Variants in SDK1 observed in about 807,000 individuals in gnomAD.
SDK1 encodes the protein sidekick cell adhesion molecule 1, also known as protein sidekick-1.
A neutral mutation model predicts 245.5 loss-of-function variants in SDK1; 157 were observed. The observed-to-expected ratio is 0.64, with a 90% CI of 0.56 to 0.73. SDK1 has a LOEUF of 0.73. Ranked by LOEUF, SDK1 falls within the 30% of genes least tolerant of loss-of-function variation. SDK1 has a pLI of 0.00. For missense variants in SDK1, 3,583 were observed against 3,002.3 expected, an observed-to-expected ratio of 1.19 and a Z score of -4.52; for synonymous variants, 1,647 against 1,278.5, an observed-to-expected ratio of 1.29 and a Z score of -6.15.
intron 17 of SDK1, among the ~76,000 whole-genome samples, chr7:4,048,380 G>A (rs139123981): frequency 4.1e-4 from 63 of 152,208 alleles, no homozygotes; most frequent in African/African-American, 1.4e-3. Flanking sequence ...TTTCCGGAAG[G>A]CCTTCAGTTC....
intron 31 of SDK1, among the ~76,000 whole-genome samples, chr7:4,159,850 G>A (rs1781003336): frequency 6.6e-6 from 1 of 152,256 alleles, no homozygotes; most frequent in African/African-American, 2.4e-5. Flanking sequence ...TTACTCATGA[G>A]AGCTCCTACA....
At chr7:3,560,299 C>G (rs1474834949) in intron 1 of SDK1, among the ~76,000 whole-genome samples, 3 of 152,148 alleles carry the variant, frequency 2.0e-5, no homozygotes, top group African/African-American at 2.4e-5. Context: ...TGTCTATATG[C>G]TGATGATATC....
intron 1 of SDK1, among the ~76,000 whole-genome samples, chr7:3,394,546 T>C (rs918494997): frequency 6.6e-6 from 1 of 152,096 alleles, no homozygotes; most frequent in African/African-American, 2.4e-5. Flanking sequence ...GCTTATCAAT[T>C]TCTGTGGGAA....
At chr7:3,841,726 C>A (rs1316983141) in intron 5 of SDK1, among the ~76,000 whole-genome samples, 1 of 151,964 alleles carries the variant, frequency 6.6e-6, no homozygotes, top group Non-Finnish European at 1.5e-5. Flanking sequence ...CCATGCCTGG[C>A]TAATTTTTGT....
chr7:3,898,096 A>G (rs946807754), intron 5 of SDK1, among the ~76,000 whole-genome samples: 24 of 152,348 alleles, frequency 1.6e-4, no homozygotes, highest in African/African-American at 5.5e-4. Flanking sequence ...TTCCAGGGGC[A>G]GAGAGAAGAT....
intron 1 of SDK1, among the ~76,000 whole-genome samples, chr7:3,530,061 C>G (rs933522256): frequency 2.6e-5 from 4 of 152,018 alleles, no homozygotes; most frequent in African/African-American, 7.2e-5. Context: ...GATCAAAGAA[C>G]AAGAAATTTT....
intron 1 of SDK1, among the ~76,000 whole-genome samples, chr7:3,382,885 A>G (rs1249229927): frequency 2.0e-5 from 3 of 152,090 alleles, no homozygotes; most frequent in Non-Finnish European, 2.9e-5. Context: ...GTTTTATTGT[A>G]TATTTGTTGA....
chr7:3,645,270 G>A (rs1355736161), intron 4 of SDK1, among the ~76,000 whole-genome samples: 1 of 152,174 alleles, frequency 6.6e-6, no homozygotes, highest in East Asian at 1.9e-4. Flanking sequence ...TTACAAGCAT[G>A]AAGCTGTTGG....
At chr7:3,932,658 G>T (rs1487029795) in intron 5 of SDK1, among the ~76,000 whole-genome samples, 2 of 152,234 alleles carry the variant, frequency 1.3e-5, no homozygotes, top group African/African-American at 4.8e-5. Context: ...AAAATGAAAA[G>T]AGATGGGAAA....
At chr7:4,084,059 A>G (rs1781271320) in intron 22 of SDK1, among the ~76,000 whole-genome samples, 1 of 152,206 alleles carries the variant, frequency 6.6e-6, no homozygotes, top group Non-Finnish European at 1.5e-5. Context: ...ATTCAAGATG[A>G]TAATTTTATA....
At chr7:3,899,022 C>T (rs747831297) in intron 5 of SDK1, among the ~76,000 whole-genome samples, 11 of 152,186 alleles carry the variant, frequency 7.2e-5, no homozygotes, top group Admixed American at 5.9e-4. Context: ...ATTTTATTAT[C>T]GTATCAGCTC....
chr7:3,649,421 C>T (rs146681349), intron 4 of SDK1, among the ~76,000 whole-genome samples: 2,328 of 152,092 alleles, frequency 0.015, 32 homozygotes, highest in Middle Eastern at 0.027. Context: ...TGTTGGTATG[C>T]ATTCCTGCAG....
chr7:3,779,580 C>G (rs189278765), intron 4 of SDK1, among the ~76,000 whole-genome samples: 4 of 152,178 alleles, frequency 2.6e-5, no homozygotes, highest in South Asian at 4.1e-4. Context: ...CTCCTTTTCT[C>G]TAATACTATT....
intron 5 of SDK1, among the ~76,000 whole-genome samples, chr7:3,827,863 G>GA (rs1475903877): frequency 2.0e-5 from 3 of 152,156 alleles, no homozygotes; most frequent in South Asian, 2.1e-4. Context: ...AATAGCCTGG[G>GA]AGGGCCACCC....
intron 1 of SDK1, among the ~76,000 whole-genome samples, chr7:3,458,706 A>G (rs1378630223): frequency 1.3e-5 from 2 of 152,126 alleles, no homozygotes; most frequent in Non-Finnish European, 2.9e-5. Flanking sequence ...CAGCATCATT[A>G]TAATTAACAT....
chr7:3,459,864 T>A (rs1026333316), intron 1 of SDK1, among the ~76,000 whole-genome samples: 1 of 152,146 alleles, frequency 6.6e-6, no homozygotes, highest in African/African-American at 2.4e-5. Context: ...GAGAGAGAAA[T>A]AATGTGTAGG....
intron 1 of SDK1, among the ~76,000 whole-genome samples, chr7:3,395,867 C>G (rs1583795180): frequency 6.6e-6 from 1 of 151,602 alleles, no homozygotes; most frequent in Non-Finnish European, 1.5e-5. Flanking sequence ...TTTTCTTTCT[C>G]TCTCTCTTTG....
At chr7:4,031,115 A>G (rs1787785072) in intron 17 of SDK1, among the ~76,000 whole-genome samples, 1 of 152,166 alleles carries the variant, frequency 6.6e-6, no homozygotes, top group African/African-American at 2.4e-5. Flanking sequence ...GGACACGTAT[A>G]TATACATGGA....
chr7:4,115,117 GGAAGGACGGCAATTAACGCTCAT>G (rs1783618208), intron 25 of SDK1, among the ~76,000 whole-genome samples: 1 of 152,166 alleles, frequency 6.6e-6, no homozygotes, highest in Non-Finnish European at 1.5e-5. Context: ...GAAACCCAAA[GGAAGGACGGCAATTAACGCTCAT>G]GAAGGACTCA....
Sources: allele counts gnomAD v4.1 joint callset (sites outside exome capture counted in the v4.1 genomes callset), GRCh38; gene constraint gnomAD v4.1.1; transcripts MANE v1.5; gene names NCBI Gene and HGNC (gene_info 2026-07-23, HGNC 2026-07-21).